Variants in CEMIP2 observed in about 807,000 individuals in gnomAD.
CEMIP2 encodes cell surface hyaluronidase CEMIP2.
Under a neutral mutation model 146.9 loss-of-function variants are expected in CEMIP2, and 79 were observed. That is an observed-to-expected ratio of 0.54 (90% confidence interval 0.45 to 0.65). The LOEUF (loss-of-function observed/expected upper bound fraction) is 0.65. CEMIP2 is among the 30% of genes least tolerant of loss of function. The pLI, the probability that CEMIP2 is intolerant of heterozygous loss-of-function variation, is 0.00. For synonymous variants in CEMIP2, 601 were observed against 606.3 expected (o/e 0.99, Z 0.13); for missense variants, 1,596 against 1,696.2 (o/e 0.94, Z 1.04).
At position 71,703,140 on chromosome 9, in the gene CEMIP2, G is replaced by A. The variant is rs185683190; in HGVS notation, c.3194+1455C>T. On this transcript the variant is annotated intron_variant, in intron 18 of 23. Transcript: ENST00000377044. ...GAGACTGAAGTGGGGACTGCTCCAC[G>A]GAGCCAGGCAAGAGATGGTGAGGGC... 2.8e-4 allele frequency among the ~76,000 whole-genome samples: 43 copies of A among 152,304 alleles called. No homozygotes were observed. The East Asian group carries it at 4.2e-3, about 15-fold the overall frequency.
chr9:71,755,457 A>G (rs2132030921), intron 1 of CEMIP2, among the ~76,000 whole-genome samples: 1 of 152,072 alleles, frequency 6.6e-6, no homozygotes, highest in South Asian at 2.1e-4. Flanking sequence ...GTGAGGCAGG[A>G]GGATTGCATG....
At chr9:71,717,486 G>GA (rs1484804023) in intron 13 of CEMIP2, among the ~76,000 whole-genome samples, 2 of 152,002 alleles carry the variant, frequency 1.3e-5, no homozygotes, top group Non-Finnish European at 2.9e-5. Context: ...ATACAAATGG[G>GA]AAAAAAAGTG....
chr9:71,731,244 C>T (rs1458058647), intron 7 of CEMIP2, among the ~76,000 whole-genome samples: 1 of 152,184 alleles, frequency 6.6e-6, no homozygotes, highest in Admixed American at 6.5e-5. Flanking sequence ...ACTTCTATAA[C>T]CTCCATCAGA....
intron 10 of CEMIP2, among the ~76,000 whole-genome samples, chr9:71,726,750 C>G (rs2131951049): frequency 6.6e-6 from 1 of 152,246 alleles, no homozygotes; most frequent in Non-Finnish European, 1.5e-5. Context: ...ACAAATGGGT[C>G]TTAACAAAAC....
chr9:71,763,084 A>G (rs866821691), intron 1 of CEMIP2, among the ~76,000 whole-genome samples: 2 of 152,042 alleles, frequency 1.3e-5, no homozygotes, highest in African/African-American at 2.4e-5. Flanking sequence ...AGAAAACCTC[A>G]AGAACTCATT....
At chr9:71,728,277 A>C (rs868681835) in intron 10 of CEMIP2, among the ~76,000 whole-genome samples, 3 of 10,780 alleles carry the variant, frequency 2.8e-4, no homozygotes, top group South Asian at 3.1e-3. Flanking sequence ...ATATATATAT[A>C]TATGTATATA....
At chr9:71,698,232 A>C in intron 19 of CEMIP2, 28 bp from the exon 20 acceptor site, 1 of 1,595,334 alleles carries the variant, frequency 6.3e-7, no homozygotes, top group Non-Finnish European at 8.6e-7. Flanking sequence ...CAATCCATGT[A>C]GTTAGACTTA....
intron 5 of CEMIP2, among the ~76,000 whole-genome samples, chr9:71,739,418 T>C (rs1201133325): frequency 8.1e-6 from 1 of 123,616 alleles, no homozygotes; most frequent in Non-Finnish European, 1.7e-5. Flanking sequence ...TTAGTGGTAC[T>C]GGAGACAGGA....
intron 22 of CEMIP2, among the ~76,000 whole-genome samples, chr9:71,688,103 C>CG (rs1228201974): frequency 6.6e-6 from 1 of 152,196 alleles, no homozygotes; most frequent in East Asian, 1.9e-4. Context: ...GCAATCGTCC[C>CG]GCCATGGCCT....
intron 6 of CEMIP2, among the ~76,000 whole-genome samples, chr9:71,733,876 C>A (rs1823689226): frequency 6.6e-6 from 1 of 151,740 alleles, no homozygotes; most frequent in Admixed American, 6.6e-5. Context: ...CGCAGTCTCG[C>A]TCTGTCGCCC....
chr9:71,764,627 C>T (rs76849389), intron 1 of CEMIP2, among the ~76,000 whole-genome samples: 3 of 152,024 alleles, frequency 2.0e-5, no homozygotes, highest in African/African-American at 7.2e-5. Flanking sequence ...ACATTCATTA[C>T]CCCCCTCCCC....
intron 21 of CEMIP2, among the ~76,000 whole-genome samples, chr9:71,693,029 T>C (rs932155810): frequency 6.6e-6 from 1 of 152,174 alleles, no homozygotes; most frequent in Non-Finnish European, 1.5e-5. Flanking sequence ...TGGATGGTAG[T>C]GATGGTTGTA....
chr9:71,752,493 A>G (rs1438384949), intron 1 of CEMIP2, among the ~76,000 whole-genome samples: 17 of 2,456 alleles, frequency 6.9e-3, no homozygotes, highest in East Asian at 0.015. Flanking sequence ...GGAGGGAAGG[A>G]GGGAGGAAGG....
intron 21 of CEMIP2, among the ~76,000 whole-genome samples, chr9:71,693,307 AC>A (rs1399482261): frequency 1.3e-5 from 2 of 152,214 alleles, no homozygotes; most frequent in African/African-American, 4.8e-5. Flanking sequence ...GTATGGTGGC[AC>A]CTAGGTCAAC....
At chr9:71,764,497 C>A (rs1824729583) in intron 1 of CEMIP2, among the ~76,000 whole-genome samples, 1 of 151,084 alleles carries the variant, frequency 6.6e-6, no homozygotes, top group Non-Finnish European at 1.5e-5. Flanking sequence ...TACTATATGA[C>A]CTTACCTAAT....
At chr9:71,729,704 C>G (rs373279865) in intron 10 of CEMIP2, 141 bp downstream of exon 10, 3 of 750,334 alleles carry the variant, frequency 4.0e-6, no homozygotes, top group Non-Finnish European at 6.9e-6. Context: ...CCGTATTCTG[C>G]TCTCAACTAA....
At chr9:71,717,411 C>T (rs2131925317) in intron 13 of CEMIP2, among the ~76,000 whole-genome samples, 1 of 152,130 alleles carries the variant, frequency 6.6e-6, no homozygotes, top group African/African-American at 2.4e-5. Flanking sequence ...AATACACACA[C>T]ACATTTTTCT....
Position 71,717,934 on chromosome 9 carries a change from T to G in CEMIP2, c.2399+14A>C, listed in dbSNP as rs1287332018. 6.3e-7 allele frequency: 1 copy of G among 1,598,802 alleles called. No homozygotes were observed. The highest frequency in any genetic ancestry group is 1.1e-5 in the South Asian group (1 of 87,216). ...TCAGTGTCATCATATAATAACTTGG[T>G]AGAGAATACCCACGCTGAATTTTGA... On this transcript the variant is annotated intron_variant, in intron 13 of 23. Coordinates refer to ENST00000377044, the MANE Select transcript of CEMIP2 (RefSeq NM_013390.3).
At chr9:71,746,440 G>A (rs1222046692) in intron 2 of CEMIP2, 99 bp from the exon 3 acceptor site, 1 of 1,432,188 alleles carries the variant, frequency 7.0e-7, no homozygotes, top group South Asian at 1.3e-5. Flanking sequence ...TGCAAAAAAT[G>A]TGCTAACATA....
Sources: gnomAD v4.1 joint callset for allele counts (sites outside exome capture counted in the v4.1 genomes callset) on GRCh38, gnomAD v4.1.1 for gene constraint, MANE v1.5 for transcripts, NCBI Gene and HGNC (gene_info 2026-07-23, HGNC 2026-07-21) for gene names.